RTN4RL1: variants seen among roughly 807,000 people sequenced by gnomAD.
RTN4RL1 encodes the protein reticulon-4 receptor-like 1.
RTN4RL1 carries 7 observed loss-of-function variants against 25.6 expected under a neutral mutation model. The ratio of observed to expected loss-of-function variants is 0.27; its 90% confidence interval spans 0.16 to 0.51. The LOEUF (loss-of-function observed/expected upper bound fraction) is 0.51, where lower values mean the gene tolerates loss of function less well. Ranked by LOEUF, RTN4RL1 falls within the 20% of genes least tolerant of loss-of-function variation. The pLI, the probability that RTN4RL1 is intolerant of heterozygous loss-of-function variation, is 0.97. For synonymous variants in RTN4RL1, 297 were observed against 288.2 expected (o/e 1.03, Z -0.31); for missense variants, 500 against 615.6 (o/e 0.81, Z 1.99).
chr17:1,999,388 G>A (rs1384542773), intron 1 of RTN4RL1, among the ~76,000 whole-genome samples: 1 of 151,292 alleles, frequency 6.6e-6, no homozygotes, highest in Non-Finnish European at 1.5e-5. Flanking sequence ...GGAGATTGCA[G>A]TGAACCGAGA....
intron 1 of RTN4RL1, among the ~76,000 whole-genome samples, chr17:1,973,970 C>T (rs533112963): frequency 4.9e-4 from 68 of 137,896 alleles, no homozygotes; most frequent in Non-Finnish European, 9.4e-4. Context: ...ACCCATGAAG[C>T]GGAGATTGCA....
chr17:2,013,041 T>C (rs1234056794), intron 1 of RTN4RL1, among the ~76,000 whole-genome samples: 1 of 152,108 alleles, frequency 6.6e-6, no homozygotes, highest in Non-Finnish European at 1.5e-5. Context: ...TGATCCGCCC[T>C]CCTCGGCCTC....
intron 1 of RTN4RL1, among the ~76,000 whole-genome samples, chr17:2,005,425 T>C (rs1319976792): frequency 6.6e-6 from 1 of 152,242 alleles, no homozygotes; most frequent in African/African-American, 2.4e-5. Context: ...TTCCCAGATT[T>C]CAACCTGGCT....
intron 1 of RTN4RL1, among the ~76,000 whole-genome samples, chr17:1,990,724 C>T (rs2066905085): frequency 6.6e-6 from 1 of 152,088 alleles, no homozygotes; most frequent in Admixed American, 6.6e-5. Context: ...TACTGTAATA[C>T]AATCAAGGCT....
At chr17:1,989,416 A>G (rs1375756821) in intron 1 of RTN4RL1, among the ~76,000 whole-genome samples, 1 of 151,754 alleles carries the variant, frequency 6.6e-6, no homozygotes, top group Non-Finnish European at 1.5e-5. Flanking sequence ...CTTCCTCATC[A>G]TAACCCTTAA....
intron 1 of RTN4RL1, among the ~76,000 whole-genome samples, chr17:2,015,826 A>C (rs1382809855): frequency 1.3e-5 from 2 of 152,166 alleles, no homozygotes; most frequent in East Asian, 3.9e-4. Flanking sequence ...CATCAGCCGC[A>C]GGTGACAGAA....
At chr17:2,010,231 T>A (rs1312873675) in intron 1 of RTN4RL1, among the ~76,000 whole-genome samples, 1 of 78,164 alleles carries the variant, frequency 1.3e-5, no homozygotes, top group Non-Finnish European at 2.5e-5. Flanking sequence ...CCGATGTGGG[T>A]AGATCACTTG....
At chr17:2,009,500 G>C (rs1268939741) in intron 1 of RTN4RL1, among the ~76,000 whole-genome samples, 1 of 122,316 alleles carries the variant, frequency 8.2e-6, no homozygotes, top group African/African-American at 3.2e-5. Flanking sequence ...GCTGAGGTAG[G>C]AGAATTGCTT....
chr17:1,937,462 G>T lies in RTN4RL1; in HGVS notation c.360C>A (p.Thr120=). 6.2e-7 allele frequency: 1 copy of T among 1,613,972 alleles called. No homozygotes were observed. The highest frequency in any genetic ancestry group is 8.5e-7 in the Non-Finnish European group (1 of 1,179,888). The change falls in exon 2 of 2, where the codon ACC becomes ACA. Residue 120 remains threonine (T), a synonymous_variant. Coordinates refer to ENST00000331238, the MANE Select transcript of RTN4RL1 (RefSeq NM_178568.4). ...CGTGAAGCTTCACCAGGCCCTGGAAGGTCTCGGGTGCCAGCGTCCGCAGCT... is the reference window on the plus strand; with the variant it reads ...CGTGAAGCTTCACCAGGCCCTGGAATGTCTCGGGTGCCAGCGTCCGCAGCT... ...NRQLRTLAPE[T]FQGLVKLHAL... is the part of the protein sequence containing the mutation.
At chr17:2,002,921 C>T (rs1160148955) in intron 1 of RTN4RL1, 1 of 152,302 alleles carries the variant, frequency 6.6e-6, no homozygotes, top group Non-Finnish European at 1.5e-5. Flanking sequence ...AGGCTGGGTC[C>T]GAGGCCGGCG....
chr17:1,956,101 C>T (rs991291079), intron 1 of RTN4RL1, among the ~76,000 whole-genome samples: 1 of 151,740 alleles, frequency 6.6e-6, no homozygotes, highest in Non-Finnish European at 1.5e-5. Context: ...TTCTGTATCC[C>T]GCATTTTCTA....
intron 1 of RTN4RL1, among the ~76,000 whole-genome samples, chr17:2,024,504 C>T (rs2067248460): frequency 6.6e-6 from 1 of 152,138 alleles, no homozygotes. Context: ...TGTGCCCGCG[C>T]AGGGAATGGA....
intron 1 of RTN4RL1, among the ~76,000 whole-genome samples, chr17:1,977,608 C>T (rs2066848114): frequency 6.6e-6 from 1 of 152,060 alleles, no homozygotes; most frequent in Non-Finnish European, 1.5e-5. Flanking sequence ...CCAGAGACCG[C>T]GGGGCCTGGG....
At chr17:1,953,573 AAT>A (rs983494525) in intron 1 of RTN4RL1, among the ~76,000 whole-genome samples, 37 of 151,774 alleles carry the variant, frequency 2.4e-4, no homozygotes, top group African/African-American at 8.2e-4. Context: ...TTAAAAAAAA[AAT>A]TTTTTTTTGA....
At chr17:2,006,949 C>T (rs189883075) in intron 1 of RTN4RL1, among the ~76,000 whole-genome samples, 3 of 151,990 alleles carry the variant, frequency 2.0e-5, no homozygotes, top group South Asian at 2.1e-4. Flanking sequence ...GTGTGCTCAG[C>T]GGAGCAGAGG....
intron 1 of RTN4RL1, among the ~76,000 whole-genome samples, chr17:1,951,641 G>A (rs1163239163): frequency 6.6e-6 from 1 of 152,072 alleles, no homozygotes; most frequent in African/African-American, 2.4e-5. Flanking sequence ...AGTAGAGATG[G>A]GGTTTCACCA....
intron 1 of RTN4RL1, among the ~76,000 whole-genome samples, chr17:1,946,814 T>TG (rs1444165520): frequency 4.7e-5 from 6 of 129,024 alleles, no homozygotes; most frequent in Non-Finnish European, 6.5e-5. Context: ...TCTGTGTGAA[T>TG]TGTGTGTGCA....
At position 1,970,300 on chromosome 17, in the gene RTN4RL1, C is replaced by T. The variant is rs145008799; in HGVS notation, c.14-32492G>A. On this transcript the variant is annotated intron_variant, in intron 1 of 1. Coordinates refer to ENST00000331238, the MANE Select transcript of RTN4RL1 (RefSeq NM_178568.4). The stretch of plus-strand genomic sequence containing the variant: ...CCTCCCAAAGTGCTGGTATTACAGG[C>T]GTGAGCCACTGTGCCTGGCGAGGAT... Among the ~76,000 whole-genome samples, 223 of 152,270 alleles carry T rather than the reference C, an allele frequency of 1.5e-3. 1 individual carries two copies. Among genetic ancestry groups the T allele is most frequent in the African/African-American group, 5.0e-3 (207 of 41,548 alleles).
intron 1 of RTN4RL1, among the ~76,000 whole-genome samples, chr17:1,962,879 A>G (rs71359138): frequency 0.27 from 39,540 of 147,518 alleles, 6,510 homozygotes; most frequent in Non-Finnish European, 0.37. Flanking sequence ...AAAAAAAAAA[A>G]AAGAGATGTG....
Sources: gnomAD v4.1 joint callset for allele counts (sites outside exome capture counted in the v4.1 genomes callset) on GRCh38, gnomAD v4.1.1 for gene constraint, MANE v1.5 for transcripts, NCBI Gene and HGNC (gene_info 2026-07-23, HGNC 2026-07-21) for gene names.